The following CAMK4 variants were observed in gnomAD, a reference collection of about 807,000 sequenced individuals.
The protein encoded by CAMK4 is calcium/calmodulin dependent protein kinase IV.
CAMK4 carries 22 observed loss-of-function variants against 44.9 expected under a neutral mutation model. The observed-to-expected ratio is 0.49, with a 90% CI of 0.35 to 0.70. The LOEUF (loss-of-function observed/expected upper bound fraction) is 0.70. Ranked by LOEUF, CAMK4 falls within the 30% of genes least tolerant of loss-of-function variation. The pLI, the probability that CAMK4 is intolerant of heterozygous loss-of-function variation, is 0.01. For synonymous variants in CAMK4, 218 were observed against 215.4 expected (o/e 1.01, Z -0.11); for missense variants, 498 against 586.8 (o/e 0.85, Z 1.56).
Position 111,360,699 on chromosome 5 carries a change from C to T in CAMK4, c.241-14151C>T, listed in dbSNP as rs565688817. On this transcript the variant is annotated intron_variant, in intron 2 of 10. Coordinates refer to ENST00000282356, the MANE Select transcript of CAMK4 (RefSeq NM_001744.6). The stretch of plus-strand genomic sequence containing the variant: ...AGAGAGTGCTTTGAGGATGTGCACA[C>T]CACTGTATGGAGAAAGATGCTGGGA... Among the ~76,000 whole-genome samples, 10 of 152,094 alleles carry T rather than the reference C, an allele frequency of 6.6e-5. No homozygotes were observed. In the South Asian group the frequency reaches 1.4e-3, roughly 22 times the overall value.
rs1255471036 is a variant in CAMK4 at position 111,486,035 on chromosome 5, A to G, written c.*1569A>G. 1 of 152,228 alleles carries G rather than the reference A, an allele frequency of 6.6e-6. No individual in the cohort carries two copies. The highest frequency in any genetic ancestry group is 1.5e-5 in the Non-Finnish European group (1 of 68,038). 9.4% of individuals were successfully genotyped at this position (152,228 alleles called of 1,614,324 possible). On this transcript the variant is annotated 3_prime_UTR_variant, in exon 11 of 11. Transcript: ENST00000282356. Reference sequence around the variant, plus strand: ...ACTATCACATAAAAATCCTTGTTAAAAAAGAGATCTTAAATTATGTTGGCT... The same window carrying G: ...ACTATCACATAAAAATCCTTGTTAAGAAAGAGATCTTAAATTATGTTGGCT...
chr5:111,388,442 A>T (rs1363527388), intron 4 of CAMK4, among the ~76,000 whole-genome samples: 2 of 152,158 alleles, frequency 1.3e-5, no homozygotes, highest in Non-Finnish European at 2.9e-5. Flanking sequence ...AATGTGGATG[A>T]ATATCACCAC....
At chr5:111,378,024 T>G (rs1030560861) in intron 4 of CAMK4, among the ~76,000 whole-genome samples, 6 of 152,104 alleles carry the variant, frequency 3.9e-5, no homozygotes, top group African/African-American at 1.4e-4. Flanking sequence ...GGTCTGAATG[T>G]TTGTGTGCCC....
intron 2 of CAMK4, among the ~76,000 whole-genome samples, chr5:111,366,590 C>G (rs750387969): frequency 5.9e-5 from 9 of 152,052 alleles, no homozygotes; most frequent in Non-Finnish European, 1.3e-4. Context: ...AATTATTTCT[C>G]TTTTCCTCAT....
intron 1 of CAMK4, among the ~76,000 whole-genome samples, chr5:111,294,354 C>G (rs756517124): frequency 6.6e-6 from 1 of 152,148 alleles, no homozygotes; most frequent in Non-Finnish European, 1.5e-5. Context: ...TTTCATTTTG[C>G]GTAGTACCCT....
At position 111,284,853 on chromosome 5, in the gene CAMK4, C is replaced by T. The variant is rs532166659; in HGVS notation, c.162-59171C>T. Reference sequence around the variant, plus strand: ...CCCATCTAACTTGATTTTTTTTGTTCCTGATTTATTTATCTTTTTCTAAAT... The same window carrying T: ...CCCATCTAACTTGATTTTTTTTGTTTCTGATTTATTTATCTTTTTCTAAAT... On this transcript the variant is annotated intron_variant, in intron 1 of 10. Coordinates refer to ENST00000282356, the MANE Select transcript of CAMK4 (RefSeq NM_001744.6). Among the ~76,000 whole-genome samples, 43 of 151,892 alleles carry T rather than the reference C, an allele frequency of 2.8e-4. No homozygotes were observed. In the Middle Eastern group the frequency reaches 0.01, roughly 36 times the overall value.
At chr5:111,377,127 A>G (rs1751242181) in intron 4 of CAMK4, among the ~76,000 whole-genome samples, 185 bp downstream of exon 4, 1 of 152,120 alleles carries the variant, frequency 6.6e-6, no homozygotes, top group African/African-American at 2.4e-5. Context: ...AGGTACATGA[A>G]AACTTGAGAT....
rs964732157 is a variant in CAMK4, at chr5:111,424,650, T to C, written c.460-22036T>C. On this transcript the variant is annotated intron_variant, in intron 5 of 10. Coordinates refer to ENST00000282356, the MANE Select transcript of CAMK4 (RefSeq NM_001744.6). Reference sequence around the variant, plus strand: ...TTTTAGTAGAGATGGGGTTTCACCATGTTAGCCAGGATGGTCTCGATCTCC... The same window carrying C: ...TTTTAGTAGAGATGGGGTTTCACCACGTTAGCCAGGATGGTCTCGATCTCC... 6.6e-5 allele frequency among the ~76,000 whole-genome samples: 10 copies of C among 151,862 alleles called. No homozygotes were observed. The East Asian group carries it at 1.6e-3, about 24-fold the overall frequency.
At chr5:111,252,161 C>T (rs540946242) in intron 1 of CAMK4, among the ~76,000 whole-genome samples, 17 of 152,186 alleles carry the variant, frequency 1.1e-4, no homozygotes, top group Non-Finnish European at 2.1e-4. Flanking sequence ...CTAAGTCTGT[C>T]GTCATACACT....
intron 8 of CAMK4, among the ~76,000 whole-genome samples, chr5:111,474,974 T>C (rs186844739): frequency 1.3e-5 from 2 of 152,252 alleles, no homozygotes; most frequent in East Asian, 1.9e-4. Flanking sequence ...CCATCCTGGC[T>C]AACGTGGTGA....
chr5:111,311,085 A>G (rs1450463477), intron 1 of CAMK4, among the ~76,000 whole-genome samples: 3 of 152,188 alleles, frequency 2.0e-5, no homozygotes, highest in Non-Finnish European at 4.4e-5. Context: ...GTTGTCATCA[A>G]CCTTTTTATA....
At chr5:111,249,664 A>ATT (rs1417086749) in intron 1 of CAMK4, among the ~76,000 whole-genome samples, 1 of 121,630 alleles carries the variant, frequency 8.2e-6, no homozygotes, top group African/African-American at 2.9e-5. Context: ...GTGTGTATAT[A>ATT]TATGTGTGTG....
intron 1 of CAMK4, among the ~76,000 whole-genome samples, chr5:111,252,650 A>G (rs1047896264): frequency 1.3e-5 from 2 of 152,218 alleles, no homozygotes; most frequent in African/African-American, 4.8e-5. Flanking sequence ...TAGTAATAAT[A>G]ATACTACAAA....
chr5:111,346,846 A>AAACAAAC (rs372511472), intron 2 of CAMK4, among the ~76,000 whole-genome samples: 3,275 of 116,830 alleles, frequency 0.028, 55 homozygotes, highest in Middle Eastern at 0.073. Flanking sequence ...AACAAACAAA[A>AAACAAAC]ACACTAACAC....
intron 5 of CAMK4, among the ~76,000 whole-genome samples, chr5:111,399,630 T>C (rs902420023): frequency 1.5e-4 from 23 of 152,188 alleles, no homozygotes; most frequent in African/African-American, 5.1e-4. Context: ...CATTCTGTAT[T>C]TTTTCTTTCT....
At chr5:111,325,726 GT>G (rs1178321537) in intron 1 of CAMK4, among the ~76,000 whole-genome samples, 2 of 151,514 alleles carry the variant, frequency 1.3e-5, no homozygotes, top group East Asian at 3.9e-4. Context: ...TGATGGGGTT[GT>G]TTTTTTTCTT....
intron 1 of CAMK4, among the ~76,000 whole-genome samples, chr5:111,249,834 TA>T (rs141454151): frequency 0.2 from 29,901 of 151,996 alleles, 3,748 homozygotes; most frequent in Non-Finnish European, 0.28. Flanking sequence ...ATATAAAACA[TA>T]AAAACATATT....
At chr5:111,404,679 AGTT>A (rs1752351586) in intron 5 of CAMK4, among the ~76,000 whole-genome samples, 2 of 152,138 alleles carry the variant, frequency 1.3e-5, no homozygotes, top group South Asian at 2.1e-4. Context: ...AATGCTGGTC[AGTT>A]GTTGTGTCTA....
intron 1 of CAMK4, among the ~76,000 whole-genome samples, chr5:111,325,472 C>T (rs530178197): frequency 6.6e-6 from 1 of 152,202 alleles, no homozygotes; most frequent in South Asian, 2.1e-4. Flanking sequence ...AATTTACACT[C>T]TCACCAACGA....
Sources: gnomAD v4.1 joint callset for allele counts (sites outside exome capture counted in the v4.1 genomes callset) on GRCh38, gnomAD v4.1.1 for gene constraint, MANE v1.5 for transcripts, NCBI Gene and HGNC (gene_info 2026-07-23, HGNC 2026-07-21) for gene names.